The following TMEM233 variants were observed in gnomAD, a reference collection of about 807,000 sequenced individuals.
The protein encoded by TMEM233 is dispanin subfamily B member 2.
A neutral mutation model predicts 11.2 loss-of-function variants in TMEM233; 6 were observed. That is an observed-to-expected ratio of 0.54 (90% CI 0.29 to 1.06). TMEM233 has a LOEUF of 1.06. Among genes scored for constraint, TMEM233 ranks in the 50% least tolerant of loss-of-function variants. TMEM233 has a pLI of 0.08. For synonymous variants in TMEM233, 59 were observed against 55.8 expected, an observed-to-expected ratio of 1.06 and a Z score of -0.26; for missense variants, 127 against 144.7, an observed-to-expected ratio of 0.88 and a Z score of 0.63.
intron 1 of TMEM233, among the ~76,000 whole-genome samples, chr12:119,598,526 A>G (rs1376720125): frequency 6.6e-6 from 1 of 152,178 alleles, no homozygotes; most frequent in Non-Finnish European, 1.5e-5. Context: ...AATTCATGGC[A>G]TGGCAGGACA....
chr12:119,645,656 G>A (rs1352277865), downstream of TMEM233, among the ~76,000 whole-genome samples: 1 of 152,202 alleles, frequency 6.6e-6, no homozygotes, highest in Non-Finnish European at 1.5e-5. Flanking sequence ...CCTGCATGAG[G>A]CATCAGAGAG....
Position 119,628,181 on chromosome 12 carries a change from G to A in TMEM233, c.187-1555G>A, listed in dbSNP as rs536085640. On this transcript the variant is annotated intron_variant, in intron 1 of 2. Transcript: ENST00000426426. Reference sequence around the variant, plus strand: ...TTTTTTTTATTTTTATTTTTGAGACGGAGTTTCACTCTTGTTGCCCAGGCT... The same window carrying A: ...TTTTTTTTATTTTTATTTTTGAGACAGAGTTTCACTCTTGTTGCCCAGGCT... Among the ~76,000 whole-genome samples, 128 of 151,216 alleles carry A rather than the reference G, an allele frequency of 8.5e-4. 1 individual carries two copies. The highest frequency in any genetic ancestry group is 2.9e-3 in the African/African-American group (121 of 41,222).
At chr12:119,625,564 C>T (rs936738552) in intron 1 of TMEM233, among the ~76,000 whole-genome samples, 2 of 152,030 alleles carry the variant, frequency 1.3e-5, no homozygotes, top group African/African-American at 4.8e-5. Flanking sequence ...CTTTGGGCTA[C>T]AGCACAACTG....
intron 1 of TMEM233, among the ~76,000 whole-genome samples, chr12:119,623,849 G>A (rs889623729): frequency 6.6e-6 from 1 of 152,196 alleles, no homozygotes; most frequent in Non-Finnish European, 1.5e-5. Flanking sequence ...TACAGATGAG[G>A]GCACTAAGGC....
the TMEM233 span, among the ~76,000 whole-genome samples, chr12:119,649,854 T>TAAAAAAAAAAAAA: frequency 3.3e-5 from 3 of 91,306 alleles, no homozygotes; most frequent in African/African-American, 1.4e-4. Context: ...GTTTAACTAT[T>TAAAAAAAAAAAAA]AAAAAAAAAA....
At chr12:119,619,306 C>A (rs1037316472) in intron 1 of TMEM233, among the ~76,000 whole-genome samples, 6 of 151,940 alleles carry the variant, frequency 3.9e-5, no homozygotes, top group Admixed American at 6.6e-5. Context: ...TAAGAATGGA[C>A]GAATACAATG....
chr12:119,611,950 C>T (rs957647040), intron 1 of TMEM233, among the ~76,000 whole-genome samples: 4 of 151,984 alleles, frequency 2.6e-5, no homozygotes, highest in Admixed American at 6.6e-5. Flanking sequence ...GCCACTTTAC[C>T]GCCATCATCT....
intron 1 of TMEM233, among the ~76,000 whole-genome samples, chr12:119,621,410 T>G (rs1262867589): frequency 2.6e-5 from 4 of 152,114 alleles, no homozygotes; most frequent in Non-Finnish European, 5.9e-5. Flanking sequence ...CTTGAACTCC[T>G]GGACTCAAGC....
At chr12:119,607,711 C>T (rs1164626849) in intron 1 of TMEM233, among the ~76,000 whole-genome samples, 1 of 151,664 alleles carries the variant, frequency 6.6e-6, no homozygotes, top group Non-Finnish European at 1.5e-5. Context: ...CGGGCCCAAG[C>T]GACCCTCCTG....
chr12:119,615,776 G>C (rs140750714), intron 1 of TMEM233, among the ~76,000 whole-genome samples: 1 of 152,146 alleles, frequency 6.6e-6, no homozygotes, highest in Non-Finnish European at 1.5e-5. Flanking sequence ...TAGCTTTGCC[G>C]TCTGGTGTGA....
intron 1 of TMEM233, among the ~76,000 whole-genome samples, chr12:119,615,605 T>C (rs1256284196): frequency 1.3e-5 from 2 of 152,204 alleles, no homozygotes; most frequent in African/African-American, 4.8e-5. Flanking sequence ...TATAAAAATA[T>C]AACTTTGGAG....
intron 1 of TMEM233, among the ~76,000 whole-genome samples, chr12:119,602,456 T>C (rs1593277729): frequency 6.6e-6 from 1 of 152,358 alleles, no homozygotes; most frequent in South Asian, 2.1e-4. Context: ...CTGTGAATTA[T>C]TTCTTTTGAA....
intron 1 of TMEM233, among the ~76,000 whole-genome samples, chr12:119,606,052 C>G (rs1007445172): frequency 6.6e-6 from 1 of 152,134 alleles, no homozygotes; most frequent in Non-Finnish European, 1.5e-5. Flanking sequence ...GGTGTAGAAA[C>G]AGGAGCAAGC....
At chr12:119,640,223 C>T (rs1237536175) in intron 2 of TMEM233, among the ~76,000 whole-genome samples, 2 of 152,186 alleles carry the variant, frequency 1.3e-5, no homozygotes, top group Admixed American at 6.5e-5. Context: ...GGCACAATCT[C>T]GGCTCACTGC....
chr12:119,646,830 C>T (rs1378574914), downstream of TMEM233, among the ~76,000 whole-genome samples: 1 of 152,222 alleles, frequency 6.6e-6, no homozygotes, highest in East Asian at 1.9e-4. Flanking sequence ...CATCTGCTCC[C>T]TTAATTCCTC....
the TMEM233 span, among the ~76,000 whole-genome samples, chr12:119,652,199 C>T: frequency 6.6e-6 from 1 of 152,150 alleles, no homozygotes; most frequent in Non-Finnish European, 1.5e-5. Flanking sequence ...CACTATTTTA[C>T]TCAGAAAACT....
chr12:119,646,669 T>A (rs1197089031), downstream of TMEM233, among the ~76,000 whole-genome samples: 3 of 152,226 alleles, frequency 2.0e-5, no homozygotes, highest in African/African-American at 7.2e-5. Flanking sequence ...CTCCTCCCCT[T>A]AAGATGCCTT....
chr12:119,639,651 C>T (rs1415069472), intron 2 of TMEM233, among the ~76,000 whole-genome samples: 2 of 151,946 alleles, frequency 1.3e-5, no homozygotes, highest in South Asian at 2.1e-4. Flanking sequence ...AAAAAGAGGA[C>T]CTATTTACAA....
chr12:119,631,694 G>A (rs1377896996), intron 2 of TMEM233: 3 of 983,600 alleles, frequency 3.1e-6, no homozygotes, highest in Non-Finnish European at 3.6e-6. Flanking sequence ...GTGCAGTTTT[G>A]GCACCAGACT....
Sources: gnomAD v4.1 joint callset for allele counts (sites outside exome capture counted in the v4.1 genomes callset) on GRCh38, gnomAD v4.1.1 for gene constraint, MANE v1.5 for transcripts, NCBI Gene and HGNC (gene_info 2026-07-23, HGNC 2026-07-21) for gene names.